The following COLGALT2 variants were observed in gnomAD, a reference collection of about 807,000 sequenced individuals.
The protein encoded by COLGALT2 is procollagen galactosyltransferase 2.
A neutral mutation model predicts 73.4 loss-of-function variants in COLGALT2; 49 were observed. The observed-to-expected ratio is 0.67, with a 90% CI of 0.53 to 0.85. The LOEUF is 0.85. COLGALT2 is among the 40% of genes least tolerant of loss of function. The probability of loss-of-function intolerance (pLI) is 0.00; values close to 1 mark genes in which losing one functional copy is unlikely to be tolerated. For missense variants in COLGALT2, 722 were observed against 790.2 expected (o/e 0.91, Z 1.03); for synonymous variants, 295 against 307.6 (o/e 0.96, Z 0.43).
At chr1:183,930,405 TA>T (rs200993716) in intron 11 of COLGALT2, 6,960 of 405,272 alleles carry the variant, frequency 0.017, 74 homozygotes, top group Non-Finnish European at 0.022. Context: ...AATTTAATTT[TA>T]TTTTTTGGAC....
At chr1:183,976,969 A>C (rs1349370990) in intron 2 of COLGALT2, among the ~76,000 whole-genome samples, 1 of 152,214 alleles carries the variant, frequency 6.6e-6, no homozygotes, top group African/African-American at 2.4e-5. Flanking sequence ...TGGAAATAAA[A>C]GAAACGTTCT....
At position 183,973,603 on chromosome 1, in the gene COLGALT2, G is replaced by T; in HGVS notation, c.627+13C>A. On this transcript the variant is annotated intron_variant, in intron 4 of 11. Transcript: ENST00000361927. ...AAACTAGTAGCCTTAATTCATTTAA[G>T]CAAAAGACTTGCCTTAGGGGTGATT... 1 of 1,613,698 alleles carries T rather than the reference G, an allele frequency of 6.2e-7. No individual in the cohort carries two copies. The highest frequency in any genetic ancestry group is 8.5e-7 in the Non-Finnish European group (1 of 1,179,852).
chr1:184,002,458 A>G (rs537017846), intron 1 of COLGALT2, among the ~76,000 whole-genome samples: 46 of 152,246 alleles, frequency 3.0e-4, no homozygotes, highest in Non-Finnish European at 5.9e-4. Context: ...CATTGAAACA[A>G]AGATGAAAAA....
intron 1 of COLGALT2, among the ~76,000 whole-genome samples, chr1:184,032,442 A>C (rs1205246596): frequency 6.6e-6 from 1 of 152,222 alleles, no homozygotes; most frequent in Non-Finnish European, 1.5e-5. Context: ...ACTATTAGTT[A>C]TTTGAAGATA....
intron 6 of COLGALT2, among the ~76,000 whole-genome samples, chr1:183,956,686 C>T (rs1670563174): frequency 6.6e-6 from 1 of 152,174 alleles, no homozygotes; most frequent in Non-Finnish European, 1.5e-5. Flanking sequence ...CTGCTTTTAG[C>T]CACTTTGTTT....
rs1275577166 is a variant in COLGALT2, at chr1:183,938,891, GCCA to G, written c.1748_1750del (p.Val583del). 3 of 1,614,136 alleles carry G rather than the reference GCCA, an allele frequency of 1.9e-6. No individual in the cohort carries two copies. The East Asian group carries it at 6.7e-5, about 36-fold the overall frequency. ...GGCATGTGTCCTATCCCAGTCGGTG[GCCA>G]CTGTCTCATTGTCCCAGATGGTGGA... On this transcript the variant is annotated inframe_deletion, in exon 12 of 12. Transcript: ENST00000361927.
intron 1 of COLGALT2, among the ~76,000 whole-genome samples, chr1:184,020,595 C>G (rs967655293): frequency 6.6e-6 from 1 of 152,148 alleles, no homozygotes; most frequent in Admixed American, 6.5e-5. Context: ...CTCAAAAAGC[C>G]TTTCTCTGAA....
intron 1 of COLGALT2, among the ~76,000 whole-genome samples, chr1:184,021,014 A>G (rs560278457): frequency 6.6e-6 from 1 of 152,122 alleles, no homozygotes; most frequent in African/African-American, 2.4e-5. Context: ...GCCGTTTATA[A>G]TCTGGCCTGA....
At chr1:183,935,043 G>A (rs188341970), downstream of COLGALT2, among the ~76,000 whole-genome samples, 1 of 152,272 alleles carries the variant, frequency 6.6e-6, no homozygotes, top group Admixed American at 6.5e-5. Flanking sequence ...GCCCTACTGA[G>A]TTCCCATGAA....
intron 1 of COLGALT2, among the ~76,000 whole-genome samples, chr1:184,029,285 G>A (rs1203623775): frequency 6.6e-6 from 1 of 152,196 alleles, no homozygotes; most frequent in Non-Finnish European, 1.5e-5. Context: ...GAGGAGTAGA[G>A]AGCTAAGGGA....
At position 183,936,078 on chromosome 1, in the gene COLGALT2, T is replaced by C; in HGVS notation, c.*2683A>G. 5 of 985,448 alleles carry C rather than the reference T, an allele frequency of 5.1e-6. No homozygotes were observed. The highest frequency in any genetic ancestry group is 6.0e-6 in the Non-Finnish European group (5 of 829,966). 61.0% of individuals were successfully genotyped at this position (985,448 alleles called of 1,614,324 possible). ...AGCACCAGCACTGCTGATGTCACGG[T>C]TGTCTGTCCAGAAGATCCCACGTTA... On this transcript the variant is annotated 3_prime_UTR_variant, in exon 12 of 12. Coordinates refer to ENST00000361927, the MANE Select transcript of COLGALT2 (RefSeq NM_015101.4).
At position 183,969,321 on chromosome 1, in the gene COLGALT2, G is replaced by A. The variant is rs904878741; in HGVS notation, c.780C>T (p.Tyr260=). 1 of 1,613,940 alleles carries A rather than the reference G, an allele frequency of 6.2e-7. No homozygotes were observed. The change falls in exon 5 of 12, where the codon TAC becomes TAT. Residue 260 remains tyrosine (Y), a synonymous_variant. Coordinates refer to ENST00000361927, the MANE Select transcript of COLGALT2 (RefSeq NM_015101.4). ...CAATGATGTCATCAAAGGTCCAGGTGTAGTCCTGGTGTGGGGGGTAGAAAG... is the reference window on the plus strand; with the variant it reads ...CAATGATGTCATCAAAGGTCCAGGTATAGTCCTGGTGTGGGGGGTAGAAAG... ...KLTFYPPHQD[Y]TWTFDDIIVF...
At chr1:183,951,931 C>G (rs544064064) in intron 7 of COLGALT2, among the ~76,000 whole-genome samples, 1 of 152,318 alleles carries the variant, frequency 6.6e-6, no homozygotes, top group African/African-American at 2.4e-5. Flanking sequence ...AGCACACTAC[C>G]TGCCTTCAAA....
At chr1:183,949,884 T>A (rs1206569171) in intron 8 of COLGALT2, among the ~76,000 whole-genome samples, 2 of 152,192 alleles carry the variant, frequency 1.3e-5, no homozygotes, top group African/African-American at 4.8e-5. Context: ...ACTACTCAAC[T>A]AGTTTCCCTG....
At chr1:184,037,054 C>T in intron 1 of COLGALT2, 41 bp downstream of exon 1, 1 of 1,417,232 alleles carries the variant, frequency 7.1e-7, no homozygotes, top group Non-Finnish European at 9.2e-7. Flanking sequence ...CAGGCCGCCC[C>T]CGCGTCCCGC....
intron 1 of COLGALT2, among the ~76,000 whole-genome samples, chr1:184,002,146 C>T (rs1671946125): frequency 6.6e-6 from 1 of 152,248 alleles, no homozygotes; most frequent in Admixed American, 6.5e-5. Context: ...GCTCACTGTA[C>T]ATCCATCCTG....
In COLGALT2 at chr1:183,940,626, A is replaced by G; in HGVS notation, c.1559T>C (p.Leu520Pro). ...GACTGGCAGAAACTCATCCACTGGC[A>G]GCATCTTCCCAAAAGGATTGGCTCC... ...LVGANPFGKM[L>P]PVDEFLPVMY... is the part of the protein sequence containing the mutation. The change falls in exon 11 of 12, where the codon CTG becomes CCG. Residue 520 changes from leucine to proline, a missense_variant. Transcript: ENST00000361927. 1 of 1,614,226 alleles carries G rather than the reference A, an allele frequency of 6.2e-7. No homozygotes were observed. The highest frequency in any genetic ancestry group is 8.5e-7 in the Non-Finnish European group (1 of 1,180,038).
chr1:183,992,992 G>A (rs1458467623), intron 1 of COLGALT2, among the ~76,000 whole-genome samples: 1 of 152,166 alleles, frequency 6.6e-6, no homozygotes, highest in African/African-American at 2.4e-5. Flanking sequence ...GTATCCTCAA[G>A]CCCAGGACAG....
At chr1:184,004,421 A>G (rs1316820065) in intron 1 of COLGALT2, among the ~76,000 whole-genome samples, 1 of 152,248 alleles carries the variant, frequency 6.6e-6, no homozygotes, top group East Asian at 1.9e-4. Flanking sequence ...AGAAATATGC[A>G]AAGAATAACA....
Sources: allele counts gnomAD v4.1 joint callset (sites outside exome capture counted in the v4.1 genomes callset), GRCh38; gene constraint gnomAD v4.1.1; transcripts MANE v1.5; gene names NCBI Gene and HGNC (gene_info 2026-07-23, HGNC 2026-07-21).